The following PRKAG2 variants were observed in gnomAD, a reference collection of about 807,000 sequenced individuals.
PRKAG2 encodes 5'-AMP-activated protein kinase subunit gamma-2.
Under a neutral mutation model 69.6 loss-of-function variants are expected in PRKAG2, and 26 were observed. The ratio of observed to expected loss-of-function variants is 0.37; its 90% confidence interval spans 0.27 to 0.52. PRKAG2 has a LOEUF of 0.52. Ranked by LOEUF, PRKAG2 falls within the 20% of genes least tolerant of loss-of-function variation. The probability of loss-of-function intolerance (pLI) is 0.90; values close to 1 mark genes in which losing one functional copy is unlikely to be tolerated. For synonymous variants in PRKAG2, 293 were observed against 285.0 expected, an observed-to-expected ratio of 1.03 and a Z score of -0.28; for missense variants, 557 against 740.0, an observed-to-expected ratio of 0.75 and a Z score of 2.87.
At chr7:151,633,824 C>CT (rs1825264233) in intron 4 of PRKAG2, among the ~76,000 whole-genome samples, 1 of 152,126 alleles carries the variant, frequency 6.6e-6, no homozygotes, top group Admixed American at 6.5e-5. Context: ...CCAGATTAAT[C>CT]TTTTGGTTTA....
rs1009198631 is a variant in PRKAG2, at chr7:151,814,553, G to C, written c.115-28012C>G. 5 of 1,231,530 alleles carry C rather than the reference G, an allele frequency of 4.1e-6. No individual in the cohort carries two copies. The African/African-American group carries it at 6.2e-5, about 15-fold the overall frequency. 76.3% of individuals were successfully genotyped at this position (1,231,530 alleles called of 1,614,324 possible). On this transcript the variant is annotated intron_variant, in intron 1 of 15. Coordinates refer to ENST00000287878, the MANE Select transcript of PRKAG2 (RefSeq NM_016203.4). This position sits in a 1 kb window ranked among gnomAD's most constrained non-coding sequence, Gnocchi z 4.8. ...TCTGACAAATCCTGCTGCCTCACTCGAAAGGTCCATCAGAGAAGGGGTTTC... is the reference window on the plus strand; with the variant it reads ...TCTGACAAATCCTGCTGCCTCACTCCAAAGGTCCATCAGAGAAGGGGTTTC...
At chr7:151,789,679 T>C (rs1222044935) in intron 1 of PRKAG2, among the ~76,000 whole-genome samples, 1 of 152,176 alleles carries the variant, frequency 6.6e-6, no homozygotes, top group Non-Finnish European at 1.5e-5. Flanking sequence ...TCTGGTGGTG[T>C]TTATCTCCAA....
At chr7:151,847,942 ATT>A (rs1013193281) in intron 1 of PRKAG2, among the ~76,000 whole-genome samples, 1 of 152,204 alleles carries the variant, frequency 6.6e-6, no homozygotes, top group African/African-American at 2.4e-5. Flanking sequence ...TGGTGGGAAC[ATT>A]TACACCACAG....
At chr7:151,683,445 C>T (rs1438648846) in intron 3 of PRKAG2, among the ~76,000 whole-genome samples, 3 of 152,202 alleles carry the variant, frequency 2.0e-5, no homozygotes, top group Non-Finnish European at 4.4e-5. Context: ...AGATGCCTAT[C>T]TGGTGCAATC....
chr7:151,859,947 G>A (rs2079875875), intron 1 of PRKAG2, among the ~76,000 whole-genome samples: 3 of 152,160 alleles, frequency 2.0e-5, no homozygotes, highest in South Asian at 2.1e-4. Flanking sequence ...AGGGTTGCAG[G>A]ACACGAGTGC....
intron 3 of PRKAG2, among the ~76,000 whole-genome samples, chr7:151,749,014 A>G (rs1218226298): frequency 6.6e-6 from 1 of 152,216 alleles, no homozygotes; most frequent in Non-Finnish European, 1.5e-5. Flanking sequence ...GGAGCCTCCG[A>G]GGGTGAGGAA....
At chr7:151,569,995 G>A (rs907011500) in intron 10 of PRKAG2, among the ~76,000 whole-genome samples, 176 bp downstream of exon 10, 14 of 152,190 alleles carry the variant, frequency 9.2e-5, no homozygotes, top group Admixed American at 4.6e-4. Context: ...CACCAGCAAC[G>A]GCTGTGATTT....
chr7:151,642,357 C>T (rs73479902), intron 4 of PRKAG2, among the ~76,000 whole-genome samples: 1 of 151,722 alleles, frequency 6.6e-6, no homozygotes, highest in Non-Finnish European at 1.5e-5. Context: ...AAACAAACAA[C>T]AAACAAACAA....
At chr7:151,559,029 T>C (rs1367520811) in intron 15 of PRKAG2, 1 of 985,336 alleles carries the variant, frequency 1.0e-6, no homozygotes, top group African/African-American at 1.7e-5. Context: ...AAACGGGGCA[T>C]CTTTTTCTGA....
intron 3 of PRKAG2, among the ~76,000 whole-genome samples, chr7:151,695,387 G>A (rs1157561529): frequency 2.0e-5 from 3 of 152,272 alleles, no homozygotes; most frequent in Non-Finnish European, 1.5e-5. Flanking sequence ...AAGGCCAAAT[G>A]CCCTCAGGTG....
chr7:151,614,360 T>C lies in PRKAG2; in HGVS notation c.754+17709A>G, dbSNP rs1334467749. ...AGGGAGGCCATGGGGTCGGTTACGTTGGGCGCTTGGCATGTGCTCTGTACT... is the reference window on the plus strand; with the variant it reads ...AGGGAGGCCATGGGGTCGGTTACGTCGGGCGCTTGGCATGTGCTCTGTACT... On this transcript the variant is annotated intron_variant, in intron 5 of 15. Coordinates refer to ENST00000287878, the MANE Select transcript of PRKAG2 (RefSeq NM_016203.4). The surrounding 1 kb of genome is among the most constrained non-coding windows in gnomAD (Gnocchi z 4.4). 1.3e-5 allele frequency among the ~76,000 whole-genome samples: 2 copies of C among 151,976 alleles called. No homozygotes were observed. Among genetic ancestry groups the C allele is most frequent in the Non-Finnish European group, 2.9e-5 (2 of 67,976 alleles).
intron 3 of PRKAG2, among the ~76,000 whole-genome samples, chr7:151,723,514 G>T (rs1797455034): frequency 6.6e-6 from 1 of 152,218 alleles, no homozygotes; most frequent in African/African-American, 2.4e-5. Flanking sequence ...CCACCCCAAG[G>T]AGTTGAGTCT....
At chr7:151,648,122 G>A (rs1421547214) in intron 4 of PRKAG2, among the ~76,000 whole-genome samples, 1 of 152,100 alleles carries the variant, frequency 6.6e-6, no homozygotes, top group Admixed American at 6.6e-5. Flanking sequence ...GCGGAGAGGA[G>A]GGGTGGGTGG....
intron 1 of PRKAG2, among the ~76,000 whole-genome samples, chr7:151,858,118 C>A (rs1349811125): frequency 6.6e-6 from 1 of 152,224 alleles, no homozygotes; most frequent in Non-Finnish European, 1.5e-5. Flanking sequence ...CAGTCAGCTA[C>A]ATCCACCAAT....
At chr7:151,738,467 G>A (rs1186672463) in intron 3 of PRKAG2, among the ~76,000 whole-genome samples, 2 of 152,296 alleles carry the variant, frequency 1.3e-5, no homozygotes, top group Non-Finnish European at 2.9e-5. Context: ...CTGCAGCACT[G>A]TGACATGTTC....
chr7:151,565,608 A>C, intron 12 of PRKAG2, 112 bp downstream of exon 12: 1 of 1,441,792 alleles, frequency 6.9e-7, no homozygotes, highest in Non-Finnish European at 9.7e-7. Flanking sequence ...GAATTTATTC[A>C]CCATACCCAA....
intron 3 of PRKAG2, among the ~76,000 whole-genome samples, chr7:151,730,246 T>C (rs1934075681): frequency 1.3e-5 from 2 of 152,378 alleles, no homozygotes; most frequent in East Asian, 3.9e-4. Context: ...CACTCACTGC[T>C]GTCCCTAGTG....
In PRKAG2 at chr7:151,781,657, G is replaced by A. The variant is rs2076677978; in HGVS notation, c.187-226C>T. 6.6e-6 allele frequency among the ~76,000 whole-genome samples: 1 copy of A among 152,148 alleles called. No homozygotes were observed. The highest frequency in any genetic ancestry group is 6.5e-5 in the Admixed American group (1 of 15,276). Reference sequence around the variant, plus strand: ...AGGCTGGCAGCACCACGTCCTGGAGGTCCACTGACCATCCTGTCCCACTCC... The same window carrying A: ...AGGCTGGCAGCACCACGTCCTGGAGATCCACTGACCATCCTGTCCCACTCC... On this transcript the variant is annotated intron_variant, in intron 2 of 15. Coordinates refer to ENST00000287878, the MANE Select transcript of PRKAG2 (RefSeq NM_016203.4). The surrounding 1 kb of genome is among the most constrained non-coding windows in gnomAD (Gnocchi z 6.1).
intron 4 of PRKAG2, chr7:151,675,113 G>C: frequency 2.7e-6 from 1 of 375,286 alleles, no homozygotes; most frequent in East Asian, 6.7e-5. Flanking sequence ...TAGAGACAGG[G>C]TTTTGCCATG....
Sources: allele counts gnomAD v4.1 joint callset (sites outside exome capture counted in the v4.1 genomes callset), GRCh38; gene constraint gnomAD v4.1.1; non-coding constraint Gnocchi (gnomAD v3.1); transcripts MANE v1.5; gene names NCBI Gene and HGNC (gene_info 2026-07-23, HGNC 2026-07-21).